CLTCL1: variants seen among roughly 807,000 people sequenced by gnomAD.
CLTCL1 encodes the protein clathrin heavy chain 2.
CLTCL1 carries 159 observed loss-of-function variants against 190.0 expected under a neutral mutation model. The ratio of observed to expected loss-of-function variants is 0.84; its 90% CI spans 0.74 to 0.95. CLTCL1 has a LOEUF of 0.95. CLTCL1 is among the 40% of genes least tolerant of loss of function. The pLI, the probability that CLTCL1 is intolerant of heterozygous loss-of-function variation, is 0.00. For synonymous variants in CLTCL1, 752 were observed against 769.6 expected (o/e 0.98, Z 0.38); for missense variants, 1,878 against 2,033.4 (o/e 0.92, Z 1.47).
At chr22:19,238,516 C>G (rs148697368) in intron 5 of CLTCL1, 1 of 216,408 alleles carries the variant, frequency 4.6e-6, no homozygotes, top group African/African-American at 2.3e-5. Context: ...GATCCTGTCA[C>G]GAACACACTT....
intron 30 of CLTCL1, chr22:19,181,490 G>GA (rs1475506424): frequency 6.6e-6 from 1 of 152,528 alleles, no homozygotes; most frequent in African/African-American, 2.4e-5. Flanking sequence ...GTCTGGGGGG[G>GA]GCTGAGAAAT....
At chr22:19,276,708 T>G (rs550926109) in intron 1 of CLTCL1, among the ~76,000 whole-genome samples, 1 of 152,178 alleles carries the variant, frequency 6.6e-6, no homozygotes, top group Non-Finnish European at 1.5e-5. Context: ...CTCGCTCTGT[T>G]GCCCAGGCTG....
intron 11 of CLTCL1, among the ~76,000 whole-genome samples, chr22:19,228,306 G>A (rs1195357334): frequency 6.6e-6 from 1 of 152,118 alleles, no homozygotes; most frequent in Non-Finnish European, 1.5e-5. Context: ...AAACCATCAC[G>A]CAGTCCTACT....
chr22:19,188,746 G>C (rs550983258), intron 27 of CLTCL1, among the ~76,000 whole-genome samples: 1 of 150,924 alleles, frequency 6.6e-6, no homozygotes, highest in South Asian at 2.1e-4. Flanking sequence ...CTCCTGAATA[G>C]CTGGGACCAG....
At chr22:19,202,314 A>C (rs1218511883) in intron 22 of CLTCL1, among the ~76,000 whole-genome samples, 1 of 151,792 alleles carries the variant, frequency 6.6e-6, no homozygotes, top group African/African-American at 2.4e-5. Context: ...GGGTCTCTCT[A>C]AATTCATGAA....
At chr22:19,266,025 T>G (rs1555977768) in intron 2 of CLTCL1, among the ~76,000 whole-genome samples, 1 of 152,140 alleles carries the variant, frequency 6.6e-6, no homozygotes, top group Non-Finnish European at 1.5e-5. Flanking sequence ...AGACACGTAC[T>G]ACCACACTGG....
chr22:19,198,379 T>TG lies in CLTCL1; in HGVS notation c.3873+1354dup, dbSNP rs199663197. 9.4e-3 allele frequency among the ~76,000 whole-genome samples: 1,430 copies of TG among 152,274 alleles called. 34 individuals carry two copies. The highest frequency in any genetic ancestry group is 0.069 in the East Asian group (355 of 5,174). ...CTCCTGTCCCTACTCCTCAAGTATG[T>TG]GTCTCAGCACATGAGCCACCATGAT... is the stretch of plus-strand genomic sequence containing the variant. On this transcript the variant is annotated intron_variant, in intron 24 of 32. Coordinates refer to ENST00000427926, the MANE Select transcript of CLTCL1 (RefSeq NM_007098.4). This position sits in a 1 kb window ranked among gnomAD's most constrained non-coding sequence, Gnocchi z 4.1.
chr22:19,286,863 G>A (rs2087925499), intron 1 of CLTCL1, among the ~76,000 whole-genome samples: 4 of 152,192 alleles, frequency 2.6e-5, no homozygotes, highest in Admixed American at 2.6e-4. Flanking sequence ...TGCAGCCTAG[G>A]TAGAGAAGCA....
At position 19,207,796 on chromosome 22, in the gene CLTCL1, T is replaced by G. The variant is rs139885069; in HGVS notation, c.3600+358A>C. ...ATTGTGAACAGCACACGCGAGGATC[T>G]GTGTTGCATGCTTCTTATGAAAACC... On this transcript the variant is annotated intron_variant, in intron 22 of 32. Coordinates refer to ENST00000427926, the MANE Select transcript of CLTCL1 (RefSeq NM_007098.4). 3.5e-4 allele frequency: 208 copies of G among 588,906 alleles called. 2 individuals are homozygous for G. Among genetic ancestry groups the G allele is most frequent in the African/African-American group, 3.5e-3 (187 of 53,888 alleles). 36.5% of individuals were successfully genotyped at this position (588,906 alleles called of 1,614,324 possible).
At chr22:19,218,264 G>A (rs554924476) in intron 18 of CLTCL1, among the ~76,000 whole-genome samples, 1 of 152,180 alleles carries the variant, frequency 6.6e-6, no homozygotes, top group Non-Finnish European at 1.5e-5. Flanking sequence ...GGTGTACCAG[G>A]TGGCTGGACT....
chr22:19,183,413 C>T lies in CLTCL1; in HGVS notation c.4804G>A (p.Val1602Met), dbSNP rs1555926704. 3 of 1,613,498 alleles carry T rather than the reference C, an allele frequency of 1.9e-6. No homozygotes were observed. The highest frequency in any genetic ancestry group is 2.5e-6 in the Non-Finnish European group (3 of 1,179,860). Residue 1602 changes from valine to methionine, a missense_variant, in exon 30 of 33, where the codon GTG becomes ATG. Val to Met is a conservative substitution (Grantham distance 21). Transcript: ENST00000427926. ...VDLAMPYFIQ[V>M]MREYLSKVDK... ...ACCTTGCTCAGGTACTCCCTCATCA[C>T]CTGGATGAAGTAGGGCATGGCCAAG...
chr22:19,219,878 G>A lies in CLTCL1; in HGVS notation c.2919+7C>T, dbSNP rs1569185922. On this transcript the variant is annotated splice_region_variant and intron_variant, in intron 18 of 32. Coordinates refer to ENST00000427926, the MANE Select transcript of CLTCL1 (RefSeq NM_007098.4). Reference sequence around the variant, plus strand: ...GGTGTGCAGACATACCCATCTCTGTGCCTCACCTGGTCAATTAGCTGTCTC... The same window carrying A: ...GGTGTGCAGACATACCCATCTCTGTACCTCACCTGGTCAATTAGCTGTCTC... 6.2e-7 allele frequency: 1 copy of A among 1,614,042 alleles called. No individual in the cohort carries two copies. The highest frequency in any genetic ancestry group is 8.5e-7 in the Non-Finnish European group (1 of 1,179,894).
intron 11 of CLTCL1, among the ~76,000 whole-genome samples, chr22:19,227,224 G>A (rs1369431666): frequency 1.3e-5 from 2 of 150,116 alleles, no homozygotes; most frequent in Admixed American, 6.7e-5. Flanking sequence ...GTTGGGGATT[G>A]CATTTAAAAA....
intron 19 of CLTCL1, among the ~76,000 whole-genome samples, chr22:19,213,952 A>C (rs1435103452): frequency 6.6e-6 from 1 of 152,198 alleles, no homozygotes; most frequent in African/African-American, 2.4e-5. Flanking sequence ...TTTTATAAAA[A>C]AGAATTTTAA....
At chr22:19,185,019 A>G (rs1361887103) in intron 29 of CLTCL1, among the ~76,000 whole-genome samples, 2 of 152,228 alleles carry the variant, frequency 1.3e-5, no homozygotes, top group Non-Finnish European at 2.9e-5. Flanking sequence ...TACTTCTGTC[A>G]TCTGGAAATA....
Position 19,201,378 on chromosome 22 carries a change from G to A in CLTCL1, c.3716C>T (p.Ala1239Val). 1.2e-6 allele frequency: 2 copies of A among 1,613,624 alleles called. No homozygotes were observed. Among genetic ancestry groups the A allele is most frequent in the Non-Finnish European group, 1.7e-6 (2 of 1,179,832 alleles). The part of the protein sequence containing the change: ...STLVHLGEYQ[A>V]AVDNSRKASS... ...GGCCTTGCGGCTGTTGTCCACTGCTGCCTGATACTCACCGAGGTGAACCAA... is the reference window on the plus strand; with the variant it reads ...GGCCTTGCGGCTGTTGTCCACTGCTACCTGATACTCACCGAGGTGAACCAA... Residue 1239 changes from alanine to valine, a missense_variant, in exon 23 of 33, where the codon GCA (alanine) becomes GTA (valine). Transcript: ENST00000427926.
chr22:19,236,859 A>G (rs2086097009), intron 5 of CLTCL1, among the ~76,000 whole-genome samples: 1 of 152,212 alleles, frequency 6.6e-6, no homozygotes. Flanking sequence ...TATTATTAAT[A>G]TAGTTAGCTA....
intron 3 of CLTCL1, among the ~76,000 whole-genome samples, chr22:19,252,810 CA>C (rs2086632666): frequency 2.0e-5 from 3 of 152,200 alleles, no homozygotes; most frequent in South Asian, 2.1e-4. Flanking sequence ...GTCAGGAGAT[CA>C]AGGCCATCCT....
chr22:19,186,837 A>C (rs549449742), intron 29 of CLTCL1, among the ~76,000 whole-genome samples: 1 of 152,116 alleles, frequency 6.6e-6, no homozygotes, highest in African/African-American at 2.4e-5. Flanking sequence ...CTGACCTCAA[A>C]TGATCTGCCC....
Sources: gnomAD v4.1 joint callset for allele counts (sites outside exome capture counted in the v4.1 genomes callset) on GRCh38, gnomAD v4.1.1 for gene constraint, Gnocchi (gnomAD v3.1) non-coding constraint, MANE v1.5 for transcripts, NCBI Gene and HGNC (gene_info 2026-07-23, HGNC 2026-07-21) for gene names.